The following REM2 variants were observed in gnomAD, a reference collection of about 807,000 sequenced individuals.
REM2 encodes GTP-binding protein REM 2.
Under a neutral mutation model 24.4 loss-of-function variants are expected in REM2, and 24 were observed. The observed-to-expected ratio is 0.98, with a 90% confidence interval of 0.71 to 1.38. The LOEUF is 1.38. REM2 is among the 40% of genes most tolerant of loss of function. The pLI is 0.00. For synonymous variants in REM2, 187 were observed against 198.0 expected (o/e 0.94, Z 0.47); for missense variants, 429 against 467.8 (o/e 0.92, Z 0.77).
In REM2 at chr14:22,886,400, T is replaced by C; in HGVS notation, c.727+169T>C. 1.3e-6 allele frequency: 1 copy of C among 744,844 alleles called. No individual in the cohort carries two copies. Among genetic ancestry groups the C allele is most frequent in the Non-Finnish European group, 2.2e-6 (1 of 451,040 alleles). The allele number at this position is 744,844 out of a possible 1,614,324, so 46.1% of individuals were successfully genotyped here. The stretch of plus-strand genomic sequence containing the variant: ...CCCACTCGAGGATCCTGAGAATCCC[T>C]TCTTGTCACTTCCCCTCACCTCTCT... On this transcript the variant is annotated intron_variant, in intron 4 of 4. Transcript: ENST00000267396. The surrounding 1 kb of genome is among the most constrained non-coding windows in gnomAD (Gnocchi z 5.9).
At position 22,886,228 on chromosome 14, in the gene REM2, G is replaced by A. The variant is rs2040126002; in HGVS notation, c.724G>A (p.Glu242Lys). ...GGCCCGCTCCCGGGAGGTATCACTG[G>A]AGGGTGTGTATCCTGAACAGATTCC... ...DLARSREVSL[E>K]EGRHLAGTLS... is the part of the protein sequence containing the mutation. Residue 242 changes from glutamate to lysine, a missense_variant, in exon 4 of 5, where the codon GAG (glutamate) becomes AAG (lysine). By Grantham distance (56) the Glu-to-Lys change is moderately conservative. Transcript: ENST00000267396. The surrounding 1 kb of genome is among the most constrained non-coding windows in gnomAD (Gnocchi z 5.9). The A allele has an allele frequency of 1.2e-6, 2 of 1,610,470 alleles. No homozygotes were observed. The highest frequency in any genetic ancestry group is 2.2e-5 in the South Asian group (2 of 90,560).
Position 22,885,318 on chromosome 14 carries a change from C to T in REM2, c.498C>T (p.Val166=), listed in dbSNP as rs557705531. 4 of 1,613,172 alleles carry T rather than the reference C, an allele frequency of 2.5e-6. No homozygotes were observed. Among genetic ancestry groups the T allele is most frequent in the African/African-American group, 1.3e-5 (1 of 75,008 alleles). Residue 166 remains valine (V), a synonymous_variant, in exon 3 of 5, where the codon GTC becomes GTT. Transcript: ENST00000267396. Reference sequence around the variant, plus strand: ...TGGATAAGGAGGAAGTGACTCTAGTCGTTTATGACATCTGGGAACAGGTGA... The same window carrying T: ...TGGATAAGGAGGAAGTGACTCTAGTTGTTTATGACATCTGGGAACAGGTGA... The part of the protein sequence containing the change: ...IMVDKEEVTL[V]VYDIWEQGDA...
chr14:22,885,253 T>G lies in REM2; in HGVS notation c.446-13T>G. 1.2e-6 allele frequency: 2 copies of G among 1,610,094 alleles called. No individual in the cohort carries two copies. Among genetic ancestry groups the G allele is most frequent in the Non-Finnish European group, 1.7e-6 (2 of 1,176,362 alleles). On this transcript the variant is annotated splice_polypyrimidine_tract_variant and intron_variant, in intron 2 of 4. Coordinates refer to ENST00000267396, the MANE Select transcript of REM2 (RefSeq NM_173527.3). ...CCTAATGGACTTTATACCCTCTCCC[T>G]ATTTCCCAGCAGAGGATACCTATGA...
Position 22,885,284 on chromosome 14 carries a change from G to T in REM2, c.464G>T (p.Arg155Leu), listed in dbSNP as rs755189659. The T allele has an allele frequency of 4.4e-5, 71 of 1,613,476 alleles. No homozygotes were observed. The highest frequency in any genetic ancestry group is 6.0e-5 in the Non-Finnish European group (71 of 1,179,442). The change falls in exon 3 of 5, where the codon CGC becomes CTC. Residue 155 changes from arginine to leucine, a missense_variant. Coordinates refer to ENST00000267396, the MANE Select transcript of REM2 (RefSeq NM_173527.3). ...PENPEDTYER[R>L]IMVDKEEVTL... ...CCAGCAGAGGATACCTATGAGAGAC[G>T]CATCATGGTGGATAAGGAGGAAGTG...
intron 2 of REM2, 33 bp downstream of exon 2, chr14:22,885,048 G>C (rs2040110115): frequency 1.3e-6 from 2 of 1,517,852 alleles, no homozygotes; most frequent in Non-Finnish European, 1.8e-6. Context: ...GGTTGAGGGG[G>C]CTCTGGGGCC....
chr14:22,886,813 CA>C lies in REM2; in HGVS notation c.929del (p.Lys310ArgfsTer140). On this transcript the variant is annotated frameshift_variant, in exon 5 of 5. Transcript: ENST00000267396. LOFTEE classifies it high-confidence loss of function. The surrounding 1 kb of genome is among the most constrained non-coding windows in gnomAD (Gnocchi z 5.9). The part of the protein sequence containing the change: ...APPARRESLT[K>X]KAKRFLANLV... ...CACCTGCACGCCGCGAGAGCCTCAC[CA>C]AGAAAGCCAAGAGGTTCCTCGCCAA... 6.5e-7 allele frequency: 1 copy of C among 1,549,204 alleles called. No homozygotes were observed. The highest frequency in any genetic ancestry group is 1.4e-5 in the African/African-American group (1 of 72,884).
rs1329913061 is a variant in REM2 at position 22,883,404 on chromosome 14, T to C, written c.103+14T>C. 1.9e-6 allele frequency: 3 copies of C among 1,551,418 alleles called. No homozygotes were observed. The highest frequency in any genetic ancestry group is 2.6e-6 in the Non-Finnish European group (3 of 1,146,928). On this transcript the variant is annotated intron_variant, in intron 1 of 4. Coordinates refer to ENST00000267396, the MANE Select transcript of REM2 (RefSeq NM_173527.3). ...CGCCCACACCAGGTGAGGGCTAACC[T>C]GGGCAGGTTCCGGCTGAAACCATGG...
At position 22,884,984 on chromosome 14, in the gene REM2, G is replaced by A. The variant is rs1239581908; in HGVS notation, c.414G>A (p.Gln138=). 2.6e-6 allele frequency: 4 copies of A among 1,552,526 alleles called. No individual in the cohort carries two copies. Among genetic ancestry groups the A allele is most frequent in the Non-Finnish European group, 3.5e-6 (4 of 1,147,552 alleles). Residue 138 remains glutamine (Q), a synonymous_variant, in exon 2 of 5, where the codon CAG becomes CAA. Transcript: ENST00000267396. The part of the protein sequence containing the change: ...STLAGTFGGL[Q]GDSAHEPENP... ...TAGCAGGCACTTTTGGTGGTCTCCAGGGAGACAGTGCTCACGAACCGGAGA... is the reference window on the plus strand; with the variant it reads ...TAGCAGGCACTTTTGGTGGTCTCCAAGGAGACAGTGCTCACGAACCGGAGA...
Position 22,884,673 on chromosome 14 carries a change from G to A in REM2, c.104-1G>A. The A allele has an allele frequency of 6.3e-7, 1 of 1,591,026 alleles. No homozygotes were observed. The highest frequency in any genetic ancestry group is 8.6e-7 in the Non-Finnish European group (1 of 1,167,616). On this transcript the variant is annotated splice_acceptor_variant, in intron 1 of 4. Transcript: ENST00000267396. LOFTEE classifies it high-confidence loss of function. ...TTCTTTGCCCTCCCATTTTATTTTA[G>A]AAGCAGATGCCACGCTACTAAAGAA...
Position 22,886,099 on chromosome 14 carries a change from G to A in REM2, c.595G>A (p.Asp199Asn), listed in dbSNP as rs752752122. 2.5e-6 allele frequency: 4 copies of A among 1,613,970 alleles called. No individual in the cohort carries two copies. Among genetic ancestry groups the A allele is most frequent in the Non-Finnish European group, 3.4e-6 (4 of 1,179,876 alleles). The part of the protein sequence containing the change: ...DAFLIVFSVT[D>N]RRSFSKVPET... ...CTTTCTCATCGTCTTCTCAGTCACCGACCGACGGAGTTTCTCCAAAGTTCC... is the reference window on the plus strand; with the variant it reads ...CTTTCTCATCGTCTTCTCAGTCACCAACCGACGGAGTTTCTCCAAAGTTCC... The change falls in exon 4 of 5, where the codon GAC (aspartate) becomes AAC (asparagine). Residue 199 changes from aspartate to asparagine, a missense_variant. Physicochemically the swap from Asp to Asn is conservative, Grantham distance 23. Coordinates refer to ENST00000267396, the MANE Select transcript of REM2 (RefSeq NM_173527.3). The surrounding 1 kb of genome is among the most constrained non-coding windows in gnomAD (Gnocchi z 5.9).
Position 22,887,131 on chromosome 14 carries a change from G to A in REM2, c.*222G>A. The A allele has an allele frequency of 4.9e-6, 2 of 410,252 alleles. No individual in the cohort carries two copies. The highest frequency in any genetic ancestry group is 7.2e-5 in the East Asian group (2 of 27,736). 25.4% of individuals were successfully genotyped at this position (410,252 alleles called of 1,614,324 possible). A position where few individuals can be genotyped will look rare whatever the true frequency, so the allele number is the denominator to read the frequency against. Reference sequence around the variant, plus strand: ...TCTCTGGAGCTTTGGGCCTCAGGGCGCCTAGAAGGCGAGGACGCAGACCTG... The same window carrying A: ...TCTCTGGAGCTTTGGGCCTCAGGGCACCTAGAAGGCGAGGACGCAGACCTG... On this transcript the variant is annotated 3_prime_UTR_variant, in exon 5 of 5. Coordinates refer to ENST00000267396, the MANE Select transcript of REM2 (RefSeq NM_173527.3).
intron 1 of REM2, chr14:22,884,153 A>C (rs943330639): frequency 1.0e-6 from 1 of 985,304 alleles, no homozygotes; most frequent in Non-Finnish European, 1.2e-6. Context: ...TCCTAGGAAG[A>C]AGCTCACTAC....
rs766259322 is a variant in REM2 at position 22,884,969 on chromosome 14, T to C, written c.399T>C (p.Thr133=). Residue 133 remains threonine (T), a synonymous_variant, in exon 2 of 5, where the codon ACT becomes ACC. Transcript: ENST00000267396. ...TGGGCAAGAGCACCCTAGCAGGCAC[T>C]TTTGGTGGTCTCCAGGGAGACAGTG... ...SGVGKSTLAG[T]FGGLQGDSAH... 5.7e-6 allele frequency: 9 copies of C among 1,568,814 alleles called. No individual in the cohort carries two copies. The East Asian group carries it at 6.8e-5, about 12-fold the overall frequency.
chr14:22,884,167 G>A (rs553424205), intron 1 of REM2: 4 of 985,280 alleles, frequency 4.1e-6, no homozygotes, highest in Non-Finnish European at 4.8e-6. Flanking sequence ...TCACTACAAA[G>A]TTTTTTACTC....
Position 22,886,765 on chromosome 14 carries a change from G to A in REM2, c.879G>A (p.Pro293=), listed in dbSNP as rs1013632925. The change falls in exon 5 of 5, where the codon CCG becomes CCA. Residue 293 remains proline (P), a synonymous_variant. Coordinates refer to ENST00000267396, the MANE Select transcript of REM2 (RefSeq NM_173527.3). The surrounding 1 kb of genome is among the most constrained non-coding windows in gnomAD (Gnocchi z 5.9). ...RNHAGGQRPD[P]GSPEGPAPPA... The stretch of plus-strand genomic sequence containing the variant: ...ACGCCGGAGGCCAGAGGCCCGATCC[G>A]GGCAGCCCCGAGGGCCCTGCGCCAC... 1 of 1,547,306 alleles carries A rather than the reference G, an allele frequency of 6.5e-7. No individual in the cohort carries two copies. Among genetic ancestry groups the A allele is most frequent in the African/African-American group, 1.4e-5 (1 of 72,806 alleles).
chr14:22,886,208 G>T lies in REM2; in HGVS notation c.704G>T (p.Arg235Leu), dbSNP rs1445632252. The change falls in exon 4 of 5, where the codon CGC becomes CTC. Residue 235 changes from arginine (R) to leucine (L), a missense_variant. Transcript: ENST00000267396. This position sits in a 1 kb window ranked among gnomAD's most constrained non-coding sequence, Gnocchi z 5.9. The stretch of plus-strand genomic sequence containing the variant: ...GTTGGAAACAAGAGCGACTTGGCCC[G>T]CTCCCGGGAGGTATCACTGGAGGGT... The part of the protein sequence containing the change: ...ILVGNKSDLA[R>L]SREVSLEEGR... 11 of 1,612,970 alleles carry T rather than the reference G, an allele frequency of 6.8e-6. No homozygotes were observed. The highest frequency in any genetic ancestry group is 9.3e-6 in the Non-Finnish European group (11 of 1,179,542).
rs1488848514 is a variant in REM2 at position 22,887,294 on chromosome 14, T to G, written c.*385T>G. On this transcript the variant is annotated 3_prime_UTR_variant, in exon 5 of 5. Coordinates refer to ENST00000267396, the MANE Select transcript of REM2 (RefSeq NM_173527.3). Reference sequence around the variant, plus strand: ...TAAAAGCAAGATCTGGAAAAGTGCTTCGTAGACTCCTTGACGGAGTTTGCC... The same window carrying G: ...TAAAAGCAAGATCTGGAAAAGTGCTGCGTAGACTCCTTGACGGAGTTTGCC... 5.9e-6 allele frequency: 1 copy of G among 170,834 alleles called. No homozygotes were observed. The highest frequency in any genetic ancestry group is 1.2e-5 in the Non-Finnish European group (1 of 80,824). 10.6% of individuals were successfully genotyped at this position (170,834 alleles called of 1,614,324 possible). A position where few individuals can be genotyped will look rare whatever the true frequency, so the allele number is the denominator to read the frequency against.
chr14:22,886,015 T>G lies in REM2; in HGVS notation c.520-9T>G, dbSNP rs757464557. ...CCTCCAGCCCTAACGTTCCTCTGCCTGTCTGCAGGGGGATGCAGGAGGGTG... is the reference window on the plus strand; with the variant it reads ...CCTCCAGCCCTAACGTTCCTCTGCCGGTCTGCAGGGGGATGCAGGAGGGTG... On this transcript the variant is annotated splice_polypyrimidine_tract_variant and intron_variant, in intron 3 of 4. Transcript: ENST00000267396. This position sits in a 1 kb window ranked among gnomAD's most constrained non-coding sequence, Gnocchi z 5.9. The G allele has an allele frequency of 4.3e-6, 7 of 1,611,712 alleles. No homozygotes were observed. Among genetic ancestry groups the G allele is most frequent in the Admixed American group, 3.3e-5 (2 of 60,012 alleles).
In REM2 at chr14:22,886,417, C is replaced by T. The variant is rs145762582; in HGVS notation, c.727+186C>T. On this transcript the variant is annotated intron_variant, in intron 4 of 4. Transcript: ENST00000267396. The surrounding 1 kb of genome is among the most constrained non-coding windows in gnomAD (Gnocchi z 5.9). ...AGAATCCCTTCTTGTCACTTCCCCT[C>T]ACCTCTCTCCTAGGCCTCCTTCTCC... 588 of 719,652 alleles carry T rather than the reference C, an allele frequency of 8.2e-4. 7 individuals are homozygous for T. In the East Asian group the frequency reaches 0.016, roughly 19 times the overall value. 44.6% of individuals were successfully genotyped at this position (719,652 alleles called of 1,614,324 possible).
Sources: gnomAD v4.1 joint callset for allele counts on GRCh38, gnomAD v4.1.1 for gene constraint, Gnocchi (gnomAD v3.1) non-coding constraint, MANE v1.5 for transcripts, NCBI Gene and HGNC (gene_info 2026-07-23, HGNC 2026-07-21) for gene names.